XKR6: variants seen among roughly 807,000 people sequenced by gnomAD.
XKR6 encodes XK-related protein 6.
XKR6 carries 22 observed loss-of-function variants against 56.7 expected under a neutral mutation model. That is an observed-to-expected ratio of 0.39 (90% CI 0.28 to 0.55). The LOEUF (loss-of-function observed/expected upper bound fraction) is 0.55, where lower values mean the gene tolerates loss of function less well. Among genes scored for constraint, XKR6 ranks in the 20% least tolerant of loss-of-function variants. The probability of loss-of-function intolerance (pLI) is 0.66; values close to 1 mark genes in which losing one functional copy is unlikely to be tolerated. For missense variants in XKR6, 852 were observed against 889.0 expected (o/e 0.96, Z 0.53); for synonymous variants, 524 against 387.8 (o/e 1.35, Z -4.13).
chr8:10,971,150 G>T (rs539006547), intron 1 of XKR6, among the ~76,000 whole-genome samples: 2 of 151,644 alleles, frequency 1.3e-5, no homozygotes, highest in Admixed American at 6.6e-5. Flanking sequence ...CGCCGGGCAC[G>T]GTGGCTCACG....
intron 1 of XKR6, among the ~76,000 whole-genome samples, chr8:10,951,539 C>A (rs1005950978): frequency 6.6e-6 from 1 of 152,246 alleles, no homozygotes; most frequent in Non-Finnish European, 1.5e-5. Context: ...CACTGCGTGG[C>A]TTCTTTCTGA....
chr8:11,121,423 C>A (rs1345730259), intron 1 of XKR6, among the ~76,000 whole-genome samples: 1 of 152,194 alleles, frequency 6.6e-6, no homozygotes, highest in African/African-American at 2.4e-5. Flanking sequence ...AGCCAAAAAA[C>A]ACATGAAAAA....
chr8:11,079,808 G>A (rs1586516939), intron 1 of XKR6, among the ~76,000 whole-genome samples: 1 of 152,020 alleles, frequency 6.6e-6, no homozygotes, highest in Non-Finnish European at 1.5e-5. Flanking sequence ...CTACAAAAAA[G>A]TTTTAAAAAA....
At chr8:10,926,881 C>G (rs1199000687) in intron 1 of XKR6, among the ~76,000 whole-genome samples, 1 of 152,156 alleles carries the variant, frequency 6.6e-6, no homozygotes, top group Non-Finnish European at 1.5e-5. Flanking sequence ...TGCACCTAGT[C>G]TCAGAGCTCA....
intron 1 of XKR6, among the ~76,000 whole-genome samples, chr8:11,101,108 A>G (rs895674958): frequency 6.6e-6 from 1 of 152,244 alleles, no homozygotes; most frequent in African/African-American, 2.4e-5. Context: ...TAGTATTTGC[A>G]GTACAGAATT....
chr8:11,174,413 A>T (rs900512556), intron 1 of XKR6, among the ~76,000 whole-genome samples: 1 of 152,214 alleles, frequency 6.6e-6, no homozygotes, highest in Non-Finnish European at 1.5e-5. Context: ...AGGAAATCAG[A>T]GTGTATGTCC....
intron 1 of XKR6, among the ~76,000 whole-genome samples, chr8:10,964,656 C>T (rs879868159): frequency 1.1e-4 from 16 of 152,176 alleles, no homozygotes; most frequent in Non-Finnish European, 1.9e-4. Context: ...CTGTCCCCGC[C>T]GTTCCTGGCA....
intron 1 of XKR6, among the ~76,000 whole-genome samples, chr8:11,086,146 A>ATTT (rs1341128866): frequency 8.6e-6 from 1 of 116,520 alleles, no homozygotes; most frequent in African/African-American, 4.1e-5. Context: ...ATATATATAT[A>ATTT]TATTTTTTTT....
chr8:11,128,418 C>G (rs969827609), intron 1 of XKR6, among the ~76,000 whole-genome samples: 4 of 152,200 alleles, frequency 2.6e-5, no homozygotes, highest in African/African-American at 9.6e-5. Flanking sequence ...ACTCCCGTCT[C>G]CTTCATCACA....
intron 1 of XKR6, among the ~76,000 whole-genome samples, chr8:11,000,043 G>C (rs1189503795): frequency 6.6e-6 from 1 of 152,176 alleles, no homozygotes; most frequent in Non-Finnish European, 1.5e-5. Context: ...ACTCCACTTT[G>C]AGGAGGGCTG....
intron 1 of XKR6, among the ~76,000 whole-genome samples, chr8:11,102,229 G>T (rs1388145718): frequency 6.6e-6 from 1 of 152,104 alleles, no homozygotes; most frequent in Non-Finnish European, 1.5e-5. Context: ...TCCCAGCCCA[G>T]CATCCCGAGG....
chr8:11,165,037 C>T (rs889349183), intron 1 of XKR6, among the ~76,000 whole-genome samples: 3 of 151,688 alleles, frequency 2.0e-5, no homozygotes, highest in African/African-American at 7.3e-5. Context: ...CAAGAAAATC[C>T]CCTGAAGCAG....
intron 1 of XKR6, chr8:11,124,097 T>C (rs1337183467): frequency 4.6e-6 from 2 of 430,910 alleles, no homozygotes; most frequent in Admixed American, 2.5e-5. Context: ...TAACATACTA[T>C]ATTTTTACTT....
chr8:11,017,251 G>A (rs1257104388), intron 1 of XKR6, among the ~76,000 whole-genome samples: 1 of 152,240 alleles, frequency 6.6e-6, no homozygotes, highest in Non-Finnish European at 1.5e-5. Flanking sequence ...GTAGATGGAT[G>A]GATATGCGTA....
intron 1 of XKR6, among the ~76,000 whole-genome samples, chr8:10,965,387 A>C (rs564584336): frequency 1.3e-5 from 2 of 152,136 alleles, no homozygotes; most frequent in African/African-American, 2.4e-5. Flanking sequence ...GGCCCCACAG[A>C]CTTTCCCACT....
At chr8:11,111,418 G>A (rs1798885590) in intron 1 of XKR6, among the ~76,000 whole-genome samples, 1 of 152,116 alleles carries the variant, frequency 6.6e-6, no homozygotes, top group Non-Finnish European at 1.5e-5. Flanking sequence ...TAATTTGGGT[G>A]GACTTTGCAT....
chr8:11,201,513 T>G lies in XKR6; in HGVS notation c.-174A>C, dbSNP rs1585051181. ...CCAGGGAACCCCCTCCGCTTCCGGG[T>G]AGTTGGCGTCACTTCCGGGCGAGCC... On this transcript the variant is annotated 5_prime_UTR_variant, in exon 1 of 3. Coordinates refer to ENST00000416569, the MANE Select transcript of XKR6 (RefSeq NM_173683.4). The G allele has an allele frequency of 1.8e-6, 1 of 557,864 alleles. No homozygotes were observed. Among genetic ancestry groups the G allele is most frequent in the Non-Finnish European group, 3.1e-6 (1 of 319,358 alleles). The allele number at this position is 557,864 out of a possible 1,614,324, so 34.6% of individuals were successfully genotyped here.
At chr8:11,071,933 T>C (rs1800141204) in intron 1 of XKR6, among the ~76,000 whole-genome samples, 1 of 152,186 alleles carries the variant, frequency 6.6e-6, no homozygotes, top group Admixed American at 6.5e-5. Context: ...AATCAGATCA[T>C]ATATAGACCT....
At chr8:11,191,608 T>G (rs994859586) in intron 1 of XKR6, among the ~76,000 whole-genome samples, 1 of 146,820 alleles carries the variant, frequency 6.8e-6, no homozygotes, top group Admixed American at 7.0e-5. Context: ...AAATACAGAG[T>G]GCAAACGACA....
Sources: allele counts gnomAD v4.1 joint callset (sites outside exome capture counted in the v4.1 genomes callset), GRCh38; gene constraint gnomAD v4.1.1; transcripts MANE v1.5; gene names NCBI Gene and HGNC (gene_info 2026-07-23, HGNC 2026-07-21).